Variants in RIMS2 observed in about 807,000 individuals in gnomAD.
The protein encoded by RIMS2 is regulating synaptic membrane exocytosis 2, also known as regulating synaptic membrane exocytosis protein 2.
Under a neutral mutation model 174.4 loss-of-function variants are expected in RIMS2, and 59 were observed. That is an observed-to-expected ratio of 0.34 (90% confidence interval 0.27 to 0.42). The LOEUF is 0.42. Ranked by LOEUF, RIMS2 falls within the 10% of genes least tolerant of loss-of-function variation. The pLI is 1.00. For missense variants in RIMS2, 1,620 were observed against 1,666.3 expected, an observed-to-expected ratio of 0.97 and a Z score of 0.48; for synonymous variants, 606 against 572.5, an observed-to-expected ratio of 1.06 and a Z score of -0.84.
chr8:103,715,975 T>C (rs1345736302), intron 2 of RIMS2, among the ~76,000 whole-genome samples: 2 of 152,112 alleles, frequency 1.3e-5, no homozygotes, highest in African/African-American at 4.8e-5. Flanking sequence ...TTAACTGATT[T>C]TGTTTGTAGG....
At chr8:103,967,814 G>A (rs1371733275) in intron 15 of RIMS2, among the ~76,000 whole-genome samples, 3 of 147,318 alleles carry the variant, frequency 2.0e-5, no homozygotes, top group African/African-American at 7.5e-5. Context: ...TTTTGCTGTG[G>A]TGTCAGCTTT....
At chr8:104,050,161 A>C (rs1174903451) in intron 19 of RIMS2, among the ~76,000 whole-genome samples, 2 of 152,274 alleles carry the variant, frequency 1.3e-5, no homozygotes, top group East Asian at 1.9e-4. Context: ...CCATAAAGGA[A>C]AGGTTATTTC....
chr8:104,117,463 A>T (rs1024659024), intron 19 of RIMS2, among the ~76,000 whole-genome samples: 3 of 151,726 alleles, frequency 2.0e-5, no homozygotes, highest in Non-Finnish European at 4.4e-5. Flanking sequence ...ACCATAGCTC[A>T]CTGCAGCCTC....
intron 1 of RIMS2, among the ~76,000 whole-genome samples, chr8:103,666,714 T>C (rs2096673881): frequency 6.6e-6 from 1 of 152,164 alleles, no homozygotes; most frequent in Non-Finnish European, 1.5e-5. Context: ...TCTGGTCTGT[T>C]AAGGCCTAGT....
At chr8:104,097,212 A>G (rs2097777851) in intron 19 of RIMS2, among the ~76,000 whole-genome samples, 1 of 152,230 alleles carries the variant, frequency 6.6e-6, no homozygotes, top group Non-Finnish European at 1.5e-5. Flanking sequence ...TTACATATAT[A>G]TAATGAGATA....
intron 1 of RIMS2, among the ~76,000 whole-genome samples, chr8:103,681,940 G>A (rs530076593): frequency 6.6e-6 from 1 of 152,128 alleles, no homozygotes; most frequent in South Asian, 2.1e-4. Context: ...AGGATTCAAA[G>A]CACATGTAGG....
At chr8:104,107,188 C>T (rs963908080) in intron 19 of RIMS2, among the ~76,000 whole-genome samples, 1 of 152,226 alleles carries the variant, frequency 6.6e-6, no homozygotes, top group Middle Eastern at 3.4e-3. Flanking sequence ...CGTATGTTCA[C>T]GTTGACTCTT....
intron 19 of RIMS2, among the ~76,000 whole-genome samples, chr8:104,158,525 G>C (rs1020524307): frequency 6.6e-6 from 1 of 152,170 alleles, no homozygotes; most frequent in Non-Finnish European, 1.5e-5. Context: ...CAGTGTAAAA[G>C]CATTCCTATT....
At chr8:104,021,818 G>A (rs976281924) in intron 19 of RIMS2, among the ~76,000 whole-genome samples, 37 of 152,160 alleles carry the variant, frequency 2.4e-4, no homozygotes, top group African/African-American at 8.2e-4. Flanking sequence ...GCAGAATAAC[G>A]AGTTAGAGTC....
chr8:103,747,411 A>T (rs1199986411), intron 2 of RIMS2, among the ~76,000 whole-genome samples: 1 of 151,302 alleles, frequency 6.6e-6, no homozygotes, highest in East Asian at 1.9e-4. Context: ...GCAAAACAGG[A>T]AGTATTAAAA....
At chr8:103,511,020 A>G (rs979146452) in intron 1 of RIMS2, among the ~76,000 whole-genome samples, 1 of 152,186 alleles carries the variant, frequency 6.6e-6, no homozygotes, top group Non-Finnish European at 1.5e-5. Context: ...AAATTCCAGA[A>G]TATCTCTGAA....
intron 19 of RIMS2, among the ~76,000 whole-genome samples, chr8:104,228,791 T>G (rs1312194904): frequency 6.6e-6 from 1 of 152,238 alleles, no homozygotes; most frequent in Non-Finnish European, 1.5e-5. Context: ...TATTATTTTT[T>G]CTAGATTATG....
intron 19 of RIMS2, among the ~76,000 whole-genome samples, chr8:104,154,544 A>T (rs946940266): frequency 8.5e-5 from 13 of 152,352 alleles, no homozygotes; most frequent in African/African-American, 3.1e-4. Flanking sequence ...GGGATTTTTT[A>T]AAACAAATAA....
At chr8:104,230,521 C>T (rs1049569679) in intron 19 of RIMS2, among the ~76,000 whole-genome samples, 2 of 147,020 alleles carry the variant, frequency 1.4e-5, no homozygotes, top group Non-Finnish European at 3.0e-5. Flanking sequence ...TGTCAGGCTC[C>T]TGTAATCCCA....
At chr8:103,752,306 C>T (rs1001692300) in intron 2 of RIMS2, among the ~76,000 whole-genome samples, 2 of 152,058 alleles carry the variant, frequency 1.3e-5, no homozygotes, top group African/African-American at 2.4e-5. Context: ...TTCCATTGAT[C>T]TATATCTCTG....
At chr8:104,006,797 A>AATAT (rs5893671) in intron 17 of RIMS2, among the ~76,000 whole-genome samples, 7 of 150,830 alleles carry the variant, frequency 4.6e-5, no homozygotes, top group Non-Finnish European at 1.0e-4. Context: ...CTTTACTGAT[A>AATAT]ATATATATAT....
intron 3 of RIMS2, among the ~76,000 whole-genome samples, chr8:103,831,190 A>G (rs2098823558): frequency 6.6e-6 from 1 of 152,142 alleles, no homozygotes; most frequent in Admixed American, 6.5e-5. Flanking sequence ...TTTGTGTATA[A>G]GTCTTATTAA....
At chr8:103,601,987 A>T (rs753734176) in intron 1 of RIMS2, among the ~76,000 whole-genome samples, 5 of 151,722 alleles carry the variant, frequency 3.3e-5, no homozygotes, top group Non-Finnish European at 5.9e-5. Flanking sequence ...TTATTTATTT[A>T]TTTTTTTGAG....
chr8:103,921,079 A>G (rs1413621710), intron 9 of RIMS2: 1 of 202,856 alleles, frequency 4.9e-6, no homozygotes, highest in Non-Finnish European at 1.0e-5. Context: ...CTGAATCTCA[A>G]TGAATATCAG....
Sources: gnomAD v4.1 joint callset for allele counts (sites outside exome capture counted in the v4.1 genomes callset) on GRCh38, gnomAD v4.1.1 for gene constraint, MANE v1.5 for transcripts, NCBI Gene and HGNC (gene_info 2026-07-23, HGNC 2026-07-21) for gene names.